SGSM1: variants seen among roughly 807,000 people sequenced by gnomAD.
The protein encoded by SGSM1 is RUN and TBC1 domain containing 2.
SGSM1 carries 73 observed loss-of-function variants against 133.8 expected under a neutral mutation model. The ratio of observed to expected loss-of-function variants is 0.55; its 90% CI spans 0.45 to 0.66. The LOEUF (loss-of-function observed/expected upper bound fraction) is 0.66. Among genes scored for constraint, SGSM1 ranks in the 30% least tolerant of loss-of-function variants. The probability of loss-of-function intolerance (pLI) is 0.00; values close to 1 mark genes in which losing one functional copy is unlikely to be tolerated. For synonymous variants in SGSM1, 563 were observed against 573.0 expected, an observed-to-expected ratio of 0.98 and a Z score of 0.25; for missense variants, 1,213 against 1,448.1, an observed-to-expected ratio of 0.84 and a Z score of 2.64.
At chr22:24,862,307 C>T (rs1931203151) in intron 9 of SGSM1, among the ~76,000 whole-genome samples, 1 of 152,174 alleles carries the variant, frequency 6.6e-6, no homozygotes, top group Middle Eastern at 3.4e-3. Flanking sequence ...GGGAGGGGTC[C>T]CAGGGGTGCT....
intron 2 of SGSM1, among the ~76,000 whole-genome samples, chr22:24,834,604 A>C (rs902209657): frequency 6.6e-6 from 1 of 152,148 alleles, no homozygotes; most frequent in African/African-American, 2.4e-5. Context: ...ACAGCTCTGG[A>C]GATAGGAATC....
At chr22:24,911,785 T>C (rs1730787350) in intron 21 of SGSM1, among the ~76,000 whole-genome samples, 1 of 152,200 alleles carries the variant, frequency 6.6e-6, no homozygotes, top group Non-Finnish European at 1.5e-5. Flanking sequence ...CTAGGCGCGG[T>C]GGCTCACGCC....
chr22:24,911,044 T>C (rs1933597930), intron 21 of SGSM1, among the ~76,000 whole-genome samples: 1 of 152,040 alleles, frequency 6.6e-6, no homozygotes, highest in Non-Finnish European at 1.5e-5. Context: ...GTGACTAGCC[T>C]GGGCAACATG....
At chr22:24,883,955 A>T (rs773876663) in intron 14 of SGSM1, 98 bp from the exon 15 acceptor site, 17 of 1,398,876 alleles carry the variant, frequency 1.2e-5, no homozygotes, top group African/African-American at 5.8e-5. Flanking sequence ...CAAAAATTTT[A>T]AAAAATTTGA....
At chr22:24,888,054 T>C (rs1305683070) in intron 16 of SGSM1, among the ~76,000 whole-genome samples, 2 of 152,230 alleles carry the variant, frequency 1.3e-5, no homozygotes, top group African/African-American at 4.8e-5. Flanking sequence ...TTTGGTTTTT[T>C]TTCCTGTGGA....
chr22:24,813,972 C>G (rs1927911707), intron 2 of SGSM1: 2 of 152,300 alleles, frequency 1.3e-5, no homozygotes, highest in Admixed American at 6.5e-5. Context: ...GTCCTTGTTC[C>G]AGTTCTGACC....
intron 9 of SGSM1, among the ~76,000 whole-genome samples, chr22:24,866,186 A>G (rs1601937206): frequency 6.6e-6 from 1 of 152,186 alleles, no homozygotes; most frequent in Non-Finnish European, 1.5e-5. Context: ...CACTTAAATA[A>G]TCATAGGGAC....
chr22:24,882,128 G>A (rs1254684773), intron 14 of SGSM1, among the ~76,000 whole-genome samples: 2 of 151,964 alleles, frequency 1.3e-5, no homozygotes, highest in African/African-American at 2.4e-5. Context: ...CCGGCTAGAC[G>A]CAATTATGGT....
chr22:24,903,508 T>C (rs1398085532), intron 20 of SGSM1, among the ~76,000 whole-genome samples: 1 of 152,136 alleles, frequency 6.6e-6, no homozygotes, highest in African/African-American at 2.4e-5. Context: ...GCACCCAGCC[T>C]GAATGTACAT....
At chr22:24,916,621 C>G (rs1933831469) in intron 22 of SGSM1, among the ~76,000 whole-genome samples, 1 of 152,036 alleles carries the variant, frequency 6.6e-6, no homozygotes, top group Non-Finnish European at 1.5e-5. Flanking sequence ...TCGCTTGAAC[C>G]TGGGAGGCAG....
chr22:24,826,553 G>A (rs1928811300), intron 2 of SGSM1, among the ~76,000 whole-genome samples: 1 of 152,180 alleles, frequency 6.6e-6, no homozygotes, highest in South Asian at 2.1e-4. Flanking sequence ...TGTGTGGCCA[G>A]GCACTGTCCT....
At chr22:24,866,482 A>G (rs1335628294) in intron 9 of SGSM1, among the ~76,000 whole-genome samples, 3 of 152,196 alleles carry the variant, frequency 2.0e-5, no homozygotes, top group Non-Finnish European at 4.4e-5. Context: ...ACGAAATTCA[A>G]GCTGACTTAA....
At chr22:24,864,137 G>A (rs1478034719) in intron 9 of SGSM1, among the ~76,000 whole-genome samples, 1 of 152,086 alleles carries the variant, frequency 6.6e-6, no homozygotes, top group Non-Finnish European at 1.5e-5. Flanking sequence ...AAAATGTCAC[G>A]AAAAAGCTAG....
intron 17 of SGSM1, among the ~76,000 whole-genome samples, chr22:24,894,032 T>C: frequency 6.6e-6 from 1 of 152,250 alleles, no homozygotes; most frequent in Non-Finnish European, 1.5e-5. Flanking sequence ...AATGTTCCAG[T>C]GACCCAGACA....
At position 24,898,409 on chromosome 22, in the gene SGSM1, C is replaced by T. The variant is rs2073202; in HGVS notation, c.2460C>T (p.Ser820=). The T allele has an allele frequency of 0.059, 95,882 of 1,613,612 alleles. 4,642 individuals are homozygous for T. The highest frequency in any genetic ancestry group is 0.21 in the East Asian group (9,397 of 44,826). ...TTGTGATGGAGGGCTGGAGGAGCAG[C>T]GAGACAGAGAAACATGGCCAGGCGG... ...DDVVMEGWRS[S]ETEKHGQADS... is the part of the protein sequence containing the mutation. Residue 820 remains serine (S), a synonymous_variant, in exon 19 of 25, where the codon AGC becomes AGT. Coordinates refer to ENST00000400358, the MANE Select transcript of SGSM1 (RefSeq NM_001098497.3).
chr22:24,879,474 A>G lies in SGSM1; in HGVS notation c.1443A>G (p.Lys481=). ...NGCNHERAPL[K]LLCDNMKYQI... is the part of the protein sequence containing the mutation. ...TCTCCACCTGCAGGGCTCCCCTGAA[A>G]CTTCTCTGTGACAATATGAAGTACC... The change falls in exon 14 of 25, where the codon AAA becomes AAG. Residue 481 remains lysine, a synonymous_variant. Transcript: ENST00000400358. 1 of 1,613,762 alleles carries G rather than the reference A, an allele frequency of 6.2e-7. No individual in the cohort carries two copies. The highest frequency in any genetic ancestry group is 8.5e-7 in the Non-Finnish European group (1 of 1,179,822).
intron 8 of SGSM1, 91 bp downstream of exon 8, chr22:24,855,771 C>T (rs750057480): frequency 1.9e-6 from 3 of 1,594,306 alleles, no homozygotes; most frequent in Admixed American, 1.7e-5. Flanking sequence ...ATTGCCAATC[C>T]ATTCATCCAT....
chr22:24,924,356 C>T lies in SGSM1; in HGVS notation c.*82C>T, dbSNP rs913488215. ...ACTTTTCCTCCTGGCTGGATGGGCA[C>T]CCCGGGAGCGGGGTCCTGGTGTCTG... On this transcript the variant is annotated 3_prime_UTR_variant, in exon 25 of 25. Transcript: ENST00000400358. 3 of 1,264,898 alleles carry T rather than the reference C, an allele frequency of 2.4e-6. No individual in the cohort carries two copies. The highest frequency in any genetic ancestry group is 1.5e-5 in the African/African-American group (1 of 68,076). The allele number at this position is 1,264,898 out of a possible 1,614,324, so 78.4% of individuals were successfully genotyped here.
At chr22:24,871,862 C>G (rs763685708) in intron 12 of SGSM1, among the ~76,000 whole-genome samples, 1 of 152,198 alleles carries the variant, frequency 6.6e-6, no homozygotes, top group South Asian at 2.1e-4. Context: ...GAAAAACAGT[C>G]ATCCTGCGGT....
Sources: gnomAD v4.1 joint callset for allele counts (sites outside exome capture counted in the v4.1 genomes callset) on GRCh38, gnomAD v4.1.1 for gene constraint, MANE v1.5 for transcripts, NCBI Gene and HGNC (gene_info 2026-07-23, HGNC 2026-07-21) for gene names.